CIMAP1B: variants seen among roughly 807,000 people sequenced by gnomAD.
The protein encoded by CIMAP1B is orf2 5' to PD-ECGF/TP.
chr22:50,531,592 C>T, the CIMAP1B span: 2 of 1,401,262 alleles, frequency 1.4e-6, no homozygotes, highest in Non-Finnish European at 1.8e-6. Context: ...TGAGGAAGGG[C>T]GCTGAGCGGC....
chr22:50,531,876 G>C, the CIMAP1B span: 66 of 1,309,770 alleles, frequency 5.0e-5, no homozygotes, highest in African/African-American at 9.9e-4. Flanking sequence ...TAGCAGGCAC[G>C]GTTCAGCCCC....
the CIMAP1B span, chr22:50,532,432 G>T: frequency 6.6e-5 from 14 of 213,370 alleles, no homozygotes; most frequent in African/African-American, 2.3e-4. Context: ...AGGGTGCCCC[G>T]GGAAGGGCCT....
At chr22:50,531,379 G>C in the CIMAP1B span, 1 of 1,217,030 alleles carries the variant, frequency 8.2e-7, no homozygotes, top group Non-Finnish European at 1.2e-6. Context: ...GGACTAGTGG[G>C]GAGTCTGAGC....
At chr22:50,532,232 C>G in the CIMAP1B span, 12 of 1,075,014 alleles carry the variant, frequency 1.1e-5, no homozygotes, top group East Asian at 2.3e-4. Context: ...CTGGCGCCAG[C>G]AAAACAAACG....
chr22:50,530,470 G>T, the CIMAP1B span: 2 of 1,589,214 alleles, frequency 1.3e-6, no homozygotes, highest in Admixed American at 3.6e-5. Context: ...GGCCGCTCCC[G>T]CCTGGCGGGT....
chr22:50,531,763 C>A, the CIMAP1B span: 7 of 1,371,760 alleles, frequency 5.1e-6, no homozygotes, highest in South Asian at 1.3e-4. Flanking sequence ...ACGGGTCATG[C>A]AGGGCGTAGC....
chr22:50,532,085 G>A, the CIMAP1B span: 3 of 1,366,220 alleles, frequency 2.2e-6, no homozygotes, highest in Non-Finnish European at 2.8e-6. Context: ...CATAGCGCGG[G>A]TGGGGGGCGC....
At chr22:50,531,417 CG>C in the CIMAP1B span, 1 of 1,090,908 alleles carries the variant, frequency 9.2e-7, no homozygotes, top group Admixed American at 2.9e-5. Context: ...CCGTGGGGTT[CG>C]GGGTTTGGGA....
At chr22:50,531,026 C>T in the CIMAP1B span, 1 of 1,609,960 alleles carries the variant, frequency 6.2e-7, no homozygotes, top group Non-Finnish European at 8.5e-7. Flanking sequence ...ACGCGCGGAC[C>T]CAAGAGCGAG....
At chr22:50,532,086 T>C in the CIMAP1B span, 2 of 1,362,232 alleles carry the variant, frequency 1.5e-6, no homozygotes, top group Non-Finnish European at 9.5e-7. Flanking sequence ...ATAGCGCGGG[T>C]GGGGGGCGCT....
the CIMAP1B span, chr22:50,530,504 C>T: frequency 1.2e-6 from 2 of 1,600,250 alleles, no homozygotes; most frequent in Non-Finnish European, 1.7e-6. Context: ...CGGTCACCAG[C>T]GGGGCCAGGT....
the CIMAP1B span, chr22:50,532,316 A>T: frequency 2.2e-6 from 1 of 444,826 alleles, no homozygotes; most frequent in East Asian, 3.7e-5. Context: ...CTCCAGGCGC[A>T]TTAGGCAGGG....
chr22:50,531,873 C>T, the CIMAP1B span: 3 of 1,326,614 alleles, frequency 2.3e-6, no homozygotes, highest in South Asian at 4.4e-5. Flanking sequence ...CTCTAGCAGG[C>T]ACGGTTCAGC....
the CIMAP1B span, chr22:50,531,090 G>C: frequency 5.6e-6 from 9 of 1,595,338 alleles, no homozygotes; most frequent in South Asian, 1.0e-4. Flanking sequence ...GGGGTAGTGG[G>C]TCTCCGCGGA....
the CIMAP1B span, chr22:50,532,381 G>A: frequency 3.3e-6 from 1 of 307,272 alleles, no homozygotes; most frequent in Non-Finnish European, 6.0e-6. Flanking sequence ...GGAATCACCT[G>A]GGGGTGGGGT....
At chr22:50,530,488 C>G in the CIMAP1B span, 1 of 1,597,856 alleles carries the variant, frequency 6.3e-7, no homozygotes, top group Non-Finnish European at 8.5e-7. Context: ...GGTCAGTTGT[C>G]CGCGTCGGTC....
chr22:50,531,630 G>A, the CIMAP1B span: 1 of 1,387,494 alleles, frequency 7.2e-7, no homozygotes. Context: ...GAGTAGGCGG[G>A]GGCGCCGTCG....
At chr22:50,530,591 G>T in the CIMAP1B span, 1 of 1,569,736 alleles carries the variant, frequency 6.4e-7, no homozygotes, top group Non-Finnish European at 8.6e-7. Context: ...CTGACCTCGC[G>T]GGGCCGGCAT....
chr22:50,530,743 T>G, the CIMAP1B span: 449 of 1,610,518 alleles, frequency 2.8e-4, no homozygotes, highest in Non-Finnish European at 3.6e-4. Flanking sequence ...GGGCCCTGGC[T>G]TCCGAGTGTT....
Sources: gnomAD v4.1 joint callset for allele counts on GRCh38, gnomAD v4.1.1 for gene constraint, MANE v1.5 for transcripts, NCBI Gene and HGNC (gene_info 2026-07-23, HGNC 2026-07-21) for gene names.